PLCB1: variants seen among roughly 807,000 people sequenced by gnomAD.
The protein encoded by PLCB1 is 1-phosphatidylinositol 4,5-bisphosphate phosphodiesterase beta-1.
PLCB1 carries 46 observed loss-of-function variants against 161.8 expected under a neutral mutation model. That is an observed-to-expected ratio of 0.28 (90% CI 0.22 to 0.36). The LOEUF is 0.36. Among genes scored for constraint, PLCB1 ranks in the 10% least tolerant of loss-of-function variants. The pLI is 1.00. For synonymous variants in PLCB1, 517 were observed against 503.7 expected, an observed-to-expected ratio of 1.03 and a Z score of -0.35; for missense variants, 1,016 against 1,472.5, an observed-to-expected ratio of 0.69 and a Z score of 5.07.
intron 2 of PLCB1, among the ~76,000 whole-genome samples, chr20:8,228,863 T>G (rs1198144749): frequency 6.6e-6 from 1 of 152,136 alleles, no homozygotes; most frequent in Non-Finnish European, 1.5e-5. Context: ...AGCATATCTA[T>G]CACCTCAGAA....
Position 8,431,599 on chromosome 20 carries a change from G to A in PLCB1, c.246+60149G>A, listed in dbSNP as rs6055814. On this transcript the variant is annotated intron_variant, in intron 3 of 31. Transcript: ENST00000338037. Reference sequence around the variant, plus strand: ...GAGGTTTCAGGATTTCAGAATCATGGTAAGGGATTATAGACATGTATTTGG... The same window carrying A: ...GAGGTTTCAGGATTTCAGAATCATGATAAGGGATTATAGACATGTATTTGG... Among the ~76,000 whole-genome samples, 219 of 152,290 alleles carry A rather than the reference G, an allele frequency of 1.4e-3. 1 individual carries two copies. The highest frequency in any genetic ancestry group is 0.011 in the South Asian group (54 of 4,824).
At chr20:8,279,379 C>G (rs553554066) in intron 2 of PLCB1, among the ~76,000 whole-genome samples, 2 of 152,068 alleles carry the variant, frequency 1.3e-5, no homozygotes, top group African/African-American at 4.8e-5. Context: ...CCAGTCACAA[C>G]GGACAAATAT....
chr20:8,814,284 G>T (rs1221251447), intron 31 of PLCB1, among the ~76,000 whole-genome samples: 1 of 152,150 alleles, frequency 6.6e-6, no homozygotes, highest in Non-Finnish European at 1.5e-5. Flanking sequence ...TGTTCTGACA[G>T]GATTCTGGCC....
chr20:8,577,862 T>C (rs1332275003), intron 3 of PLCB1, among the ~76,000 whole-genome samples: 1 of 152,164 alleles, frequency 6.6e-6, no homozygotes, highest in East Asian at 1.9e-4. Flanking sequence ...CATATTAGGT[T>C]TTCTTCTGAA....
chr20:8,284,655 A>G (rs889208036), intron 2 of PLCB1, among the ~76,000 whole-genome samples: 4 of 152,170 alleles, frequency 2.6e-5, no homozygotes, highest in Admixed American at 6.5e-5. Flanking sequence ...TCCTCTTGAA[A>G]TTGCCCCCCA....
intron 3 of PLCB1, among the ~76,000 whole-genome samples, chr20:8,591,287 A>G (rs6039205): frequency 0.15 from 23,143 of 152,196 alleles, 1,781 homozygotes; most frequent in Middle Eastern, 0.22. Flanking sequence ...ATTAAGACAT[A>G]GACAACTTTG....
chr20:8,352,838 A>T (rs2122265556), intron 2 of PLCB1, among the ~76,000 whole-genome samples: 1 of 152,296 alleles, frequency 6.6e-6, no homozygotes, highest in Middle Eastern at 3.4e-3. Flanking sequence ...AGCAAAGGAA[A>T]GGTGCTAGAA....
At chr20:8,655,779 T>C (rs188060936) in intron 7 of PLCB1, among the ~76,000 whole-genome samples, 1 of 152,170 alleles carries the variant, frequency 6.6e-6, no homozygotes, top group African/African-American at 2.4e-5. Flanking sequence ...ATTGAGCATG[T>C]TCTTGCAATT....
chr20:8,792,675 G>A, intron 31 of PLCB1: 1 of 470,218 alleles, frequency 2.1e-6, no homozygotes, highest in Non-Finnish European at 4.4e-6. Context: ...TGCCCATGAA[G>A]ATTGTTGGTT....
intron 14 of PLCB1, among the ~76,000 whole-genome samples, chr20:8,721,534 A>G (rs1404815235): frequency 6.6e-6 from 1 of 152,214 alleles, no homozygotes; most frequent in Non-Finnish European, 1.5e-5. Flanking sequence ...TCTTCAGGGG[A>G]AAAACAATTC....
Position 8,497,737 on chromosome 20 carries a change from T to G in PLCB1, c.246+126287T>G, listed in dbSNP as rs116354550. Among the ~76,000 whole-genome samples, 259 of 152,314 alleles carry G rather than the reference T, an allele frequency of 1.7e-3. 2 individuals are homozygous for G. Among genetic ancestry groups the G allele is most frequent in the African/African-American group, 6.0e-3 (250 of 41,572 alleles). ...GCAATAAGATTAATAAAATATTTATTTTGGGTAAAGGTACAGAATATGTTT... is the reference window on the plus strand; with the variant it reads ...GCAATAAGATTAATAAAATATTTATGTTGGGTAAAGGTACAGAATATGTTT... On this transcript the variant is annotated intron_variant, in intron 3 of 31. Transcript: ENST00000338037.
chr20:8,571,925 GC>G (rs1986533954), intron 3 of PLCB1, among the ~76,000 whole-genome samples: 1 of 152,104 alleles, frequency 6.6e-6, no homozygotes, highest in African/African-American at 2.4e-5. Context: ...TGGGGGAAGT[GC>G]CAATAAAGAT....
chr20:8,260,338 G>A (rs984525666), intron 2 of PLCB1, among the ~76,000 whole-genome samples: 2 of 151,170 alleles, frequency 1.3e-5, no homozygotes, highest in African/African-American at 4.9e-5. Context: ...CCCCTCCTGA[G>A]CCTCCCGAAA....
chr20:8,531,765 T>C (rs996460212), intron 3 of PLCB1, among the ~76,000 whole-genome samples: 2 of 152,004 alleles, frequency 1.3e-5, no homozygotes, highest in African/African-American at 4.8e-5. Flanking sequence ...AAAATATATA[T>C]ATATATGTAT....
chr20:8,431,975 C>T (rs1417565091), intron 3 of PLCB1, among the ~76,000 whole-genome samples: 3 of 151,336 alleles, frequency 2.0e-5, no homozygotes, highest in Non-Finnish European at 1.5e-5. Flanking sequence ...CTTCTTTTGG[C>T]TTGTCGGCAA....
At chr20:8,307,470 T>A (rs1332142845) in intron 2 of PLCB1, among the ~76,000 whole-genome samples, 1 of 152,204 alleles carries the variant, frequency 6.6e-6, no homozygotes, top group African/African-American at 2.4e-5. Flanking sequence ...CTTTAGCATT[T>A]AGACAGTATT....
intron 31 of PLCB1, among the ~76,000 whole-genome samples, chr20:8,871,556 C>T (rs950738298): frequency 2.6e-5 from 4 of 152,194 alleles, no homozygotes; most frequent in African/African-American, 9.7e-5. Context: ...TTATTTTCCC[C>T]GTATCCATTG....
At chr20:8,273,162 A>C in intron 2 of PLCB1, among the ~76,000 whole-genome samples, 1 of 152,314 alleles carries the variant, frequency 6.6e-6, no homozygotes, top group African/African-American at 2.4e-5. Context: ...TTTGGAGATA[A>C]TCATCATTAA....
At chr20:8,677,717 CA>C (rs1990120521) in intron 9 of PLCB1, among the ~76,000 whole-genome samples, 2 of 151,984 alleles carry the variant, frequency 1.3e-5, no homozygotes, top group South Asian at 2.1e-4. Flanking sequence ...GACAGTGGAG[CA>C]AATTTTTCCC....
Sources: gnomAD v4.1 joint callset for allele counts (sites outside exome capture counted in the v4.1 genomes callset) on GRCh38, gnomAD v4.1.1 for gene constraint, MANE v1.5 for transcripts, NCBI Gene and HGNC (gene_info 2026-07-23, HGNC 2026-07-21) for gene names.